GDAP2: variants seen among roughly 807,000 people sequenced by gnomAD.
GDAP2 encodes the protein ganglioside induced differentiation associated protein 2.
A neutral mutation model predicts 67.0 loss-of-function variants in GDAP2; 51 were observed. The observed-to-expected ratio is 0.76, with a 90% CI of 0.61 to 0.96. The LOEUF is 0.96. GDAP2 is among the 40% of genes least tolerant of loss of function. The probability of loss-of-function intolerance (pLI) is 0.00; values close to 1 mark genes in which losing one functional copy is unlikely to be tolerated. For synonymous variants in GDAP2, 203 were observed against 207.3 expected (o/e 0.98, Z 0.18); for missense variants, 547 against 588.3 (o/e 0.93, Z 0.73).
intron 4 of GDAP2, among the ~76,000 whole-genome samples, 176 bp downstream of exon 4, chr1:117,912,354 C>T (rs574949171): frequency 5.9e-5 from 9 of 152,228 alleles, no homozygotes; most frequent in South Asian, 2.1e-4. Flanking sequence ...CCATTTATCC[C>T]GCTAAGTTTG....
intron 5 of GDAP2, among the ~76,000 whole-genome samples, chr1:117,909,821 T>C (rs1649789257): frequency 6.6e-6 from 1 of 152,196 alleles, no homozygotes; most frequent in African/African-American, 2.4e-5. Flanking sequence ...GTGATTTGTC[T>C]GGGGCCACAG....
intron 5 of GDAP2, among the ~76,000 whole-genome samples, chr1:117,909,258 G>C (rs565644635): frequency 6.6e-6 from 1 of 152,214 alleles, no homozygotes; most frequent in East Asian, 1.9e-4. Context: ...CACCACTGTA[G>C]TATTTTGTAT....
At chr1:117,885,944 T>C (rs548552357) in intron 10 of GDAP2, among the ~76,000 whole-genome samples, 1 of 152,284 alleles carries the variant, frequency 6.6e-6, no homozygotes, top group African/African-American at 2.4e-5. Flanking sequence ...CTTTGGGTTA[T>C]TTCCTTAGTG....
intron 5 of GDAP2, among the ~76,000 whole-genome samples, chr1:117,907,987 A>G (rs1649718576): frequency 6.6e-6 from 1 of 151,988 alleles, no homozygotes; most frequent in African/African-American, 2.4e-5. Flanking sequence ...CCCACATCTT[A>G]TGCTTTAGCC....
At chr1:117,905,548 T>G (rs1649626892) in intron 6 of GDAP2, among the ~76,000 whole-genome samples, 1 of 152,158 alleles carries the variant, frequency 6.6e-6, no homozygotes, top group Non-Finnish European at 1.5e-5. Context: ...GTCCTATCCT[T>G]CCCACACCTC....
Position 117,888,373 on chromosome 1 carries a change from C to T in GDAP2, c.954-599G>A, listed in dbSNP as rs75630745. 5.4e-4 allele frequency among the ~76,000 whole-genome samples: 82 copies of T among 152,224 alleles called. No individual in the cohort carries two copies. The East Asian group carries it at 0.015, about 28-fold the overall frequency. On this transcript the variant is annotated intron_variant, in intron 8 of 13. Coordinates refer to ENST00000369443, the MANE Select transcript of GDAP2 (RefSeq NM_017686.4). The stretch of plus-strand genomic sequence containing the variant: ...AGTCAAACTAGTTGTAGTGATATCC[C>T]ACAGACCAGATCATATGGACTGCAG...
chr1:117,922,412 G>C (rs1650284504), intron 1 of GDAP2, among the ~76,000 whole-genome samples: 1 of 152,216 alleles, frequency 6.6e-6, no homozygotes, highest in Non-Finnish European at 1.5e-5. Context: ...AGCAATACTT[G>C]AGAAGTATCA....
intron 6 of GDAP2, among the ~76,000 whole-genome samples, chr1:117,900,177 T>C (rs1185157895): frequency 6.6e-6 from 1 of 152,198 alleles, no homozygotes; most frequent in Admixed American, 6.5e-5. Context: ...GATGAGGTGT[T>C]GCTATGCTGC....
At chr1:117,921,067 C>T (rs749733804) in intron 1 of GDAP2, among the ~76,000 whole-genome samples, 2 of 152,012 alleles carry the variant, frequency 1.3e-5, no homozygotes, top group African/African-American at 2.4e-5. Flanking sequence ...AGACACACAG[C>T]GTCAAGTACT....
intron 1 of GDAP2, 142 bp from the exon 2 acceptor site, chr1:117,920,566 AC>A: frequency 2.6e-6 from 1 of 378,574 alleles, no homozygotes; most frequent in Non-Finnish European, 4.8e-6. Context: ...TCCATTAAAA[AC>A]AATGGACAAC....
At chr1:117,919,690 G>A (rs531589280) in intron 2 of GDAP2, among the ~76,000 whole-genome samples, 6 of 152,138 alleles carry the variant, frequency 3.9e-5, no homozygotes, top group Non-Finnish European at 8.8e-5. Context: ...GAATTATATT[G>A]TATATGAATA....
chr1:117,887,602 C>T (rs1404000927), intron 9 of GDAP2, 96 bp downstream of exon 9: 5 of 774,904 alleles, frequency 6.5e-6, no homozygotes, highest in African/African-American at 1.7e-5. Flanking sequence ...TTCATAGATA[C>T]AATAAATGAA....
intron 13 of GDAP2, chr1:117,877,181 A>T (rs1570964491): frequency 1.8e-6 from 1 of 555,902 alleles, no homozygotes; most frequent in Non-Finnish European, 2.3e-6. Flanking sequence ...ACATAAGGGG[A>T]AAAAAATTAT....
At position 117,869,040 on chromosome 1, in the gene GDAP2, A is replaced by G. The variant is rs1410908608; in HGVS notation, c.*1529T>C. 2 of 152,166 alleles carry G rather than the reference A, an allele frequency of 1.3e-5. No homozygotes were observed. Among genetic ancestry groups the G allele is most frequent in the East Asian group, 3.8e-4 (2 of 5,196 alleles). The allele number at this position is 152,166 out of a possible 1,614,324, so 9.4% of individuals were successfully genotyped here. On this transcript the variant is annotated 3_prime_UTR_variant, in exon 14 of 14. Transcript: ENST00000369443. ...AAGAGAATATGTTTCTTTGATCTCC[A>G]ATGAAGAATTAGTTTGGGCAGAAAA...
intron 8 of GDAP2, among the ~76,000 whole-genome samples, chr1:117,889,611 A>G (rs950841663): frequency 6.6e-6 from 1 of 152,106 alleles, no homozygotes; most frequent in African/African-American, 2.4e-5. Flanking sequence ...ATACTGTCTT[A>G]TATCTTTAGT....
At chr1:117,920,832 G>C (rs1045269864) in intron 1 of GDAP2, among the ~76,000 whole-genome samples, 1 of 152,126 alleles carries the variant, frequency 6.6e-6, no homozygotes, top group African/African-American at 2.4e-5. Flanking sequence ...GATGTACTGA[G>C]TAAGACAAAA....
Position 117,925,922 on chromosome 1 carries a change from C to T in GDAP2, c.-68+3526G>A, listed in dbSNP as rs140298351. Among the ~76,000 whole-genome samples the T allele has an allele frequency of 4.3e-3, 659 of 152,298 alleles. 3 individuals carry two copies. Among genetic ancestry groups the T allele is most frequent in the African/African-American group, 0.015 (637 of 41,566 alleles). ...GGTATATTCCACACGTTTAAGCCCA[C>T]CAAATCACTTTAATTTAATCAATTT... On this transcript the variant is annotated intron_variant, in intron 1 of 13. Transcript: ENST00000369443.
intron 6 of GDAP2, among the ~76,000 whole-genome samples, chr1:117,903,767 G>A (rs1041937516): frequency 6.6e-6 from 1 of 152,040 alleles, no homozygotes; most frequent in African/African-American, 2.4e-5. Context: ...TTGAGAATTC[G>A]TAATTTTTTA....
intron 12 of GDAP2, among the ~76,000 whole-genome samples, chr1:117,879,376 C>T (rs1312944339): frequency 6.6e-6 from 1 of 151,968 alleles, no homozygotes; most frequent in East Asian, 1.9e-4. Context: ...ATGAGGAGTT[C>T]TGTTTAAAAA....
Sources: gnomAD v4.1 joint callset for allele counts (sites outside exome capture counted in the v4.1 genomes callset) on GRCh38, gnomAD v4.1.1 for gene constraint, MANE v1.5 for transcripts, NCBI Gene and HGNC (gene_info 2026-07-23, HGNC 2026-07-21) for gene names.